The following NOL4 variants were observed in gnomAD, a reference collection of about 807,000 sequenced individuals.
NOL4 encodes nucleolar protein 4.
NOL4 carries 17 observed loss-of-function variants against 75.9 expected under a neutral mutation model. The ratio of observed to expected loss-of-function variants is 0.22; its 90% CI spans 0.15 to 0.34. The LOEUF is 0.34. Among genes scored for constraint, NOL4 ranks in the 10% least tolerant of loss-of-function variants. The pLI is 1.00. For missense variants in NOL4, 614 were observed against 793.5 expected (o/e 0.77, Z 2.72); for synonymous variants, 292 against 289.9 (o/e 1.01, Z -0.07).
chr18:34,009,555 T>C (rs1354519838), intron 6 of NOL4, among the ~76,000 whole-genome samples: 1 of 152,014 alleles, frequency 6.6e-6, no homozygotes, highest in Non-Finnish European at 1.5e-5. Flanking sequence ...TTATTTAATC[T>C]TGATAATTGC....
At chr18:33,902,350 G>C (rs1270171370) in intron 9 of NOL4, among the ~76,000 whole-genome samples, 2 of 151,942 alleles carry the variant, frequency 1.3e-5, no homozygotes, top group Non-Finnish European at 2.9e-5. Flanking sequence ...GTATCTCACT[G>C]CTTTCAGCTT....
At chr18:34,186,275 G>T (rs2034453113) in intron 1 of NOL4, among the ~76,000 whole-genome samples, 1 of 152,022 alleles carries the variant, frequency 6.6e-6, no homozygotes, top group Admixed American at 6.6e-5. Context: ...AAATAAGAAA[G>T]CACAACAAAC....
intron 10 of NOL4, among the ~76,000 whole-genome samples, chr18:33,858,670 A>C (rs1176320264): frequency 3.3e-5 from 5 of 152,122 alleles, no homozygotes; most frequent in Admixed American, 6.6e-5. Context: ...GAATTTTAGT[A>C]GCATCATAAA....
At chr18:33,998,222 T>C (rs1433748811) in intron 6 of NOL4, among the ~76,000 whole-genome samples, 1 of 152,078 alleles carries the variant, frequency 6.6e-6, no homozygotes, top group Non-Finnish European at 1.5e-5. Flanking sequence ...TATCTGCAAG[T>C]ATACTAAGAA....
chr18:33,887,065 A>C (rs1376076530), intron 9 of NOL4, among the ~76,000 whole-genome samples: 9 of 140,330 alleles, frequency 6.4e-5, no homozygotes, highest in African/African-American at 1.0e-4. Context: ...ATATCTATAT[A>C]TAATATATAT....
intron 4 of NOL4, among the ~76,000 whole-genome samples, chr18:34,098,599 T>G (rs2078898569): frequency 6.6e-6 from 1 of 152,166 alleles, no homozygotes; most frequent in African/African-American, 2.4e-5. Context: ...CATTTTTGTA[T>G]TAAGACACTA....
At chr18:34,042,626 GATA>G (rs1224617972) in intron 5 of NOL4, among the ~76,000 whole-genome samples, 1 of 152,048 alleles carries the variant, frequency 6.6e-6, no homozygotes, top group Non-Finnish European at 1.5e-5. Context: ...GTAGATAAGT[GATA>G]ATGAGTGGAT....
intron 1 of NOL4, among the ~76,000 whole-genome samples, chr18:34,194,452 G>GC (rs2035167394): frequency 6.8e-6 from 1 of 147,016 alleles, no homozygotes; most frequent in African/African-American, 2.5e-5. Flanking sequence ...AGGAAGGAAG[G>GC]AAGGAAGGCA....
intron 1 of NOL4, among the ~76,000 whole-genome samples, chr18:34,205,249 C>T (rs1008331893): frequency 4.6e-5 from 7 of 152,050 alleles, no homozygotes; most frequent in African/African-American, 1.7e-4. Context: ...AAGTAATAGA[C>T]AGTTTTCACA....
chr18:33,917,733 G>C (rs1327677276), intron 9 of NOL4, among the ~76,000 whole-genome samples: 4 of 151,994 alleles, frequency 2.6e-5, no homozygotes, highest in Non-Finnish European at 5.9e-5. Context: ...CAAACTCCTA[G>C]GTTTCTGCAA....
At chr18:34,002,750 G>A (rs934117514) in intron 6 of NOL4, among the ~76,000 whole-genome samples, 7 of 151,972 alleles carry the variant, frequency 4.6e-5, no homozygotes, top group African/African-American at 1.7e-4. Flanking sequence ...TGTTAAATAA[G>A]AATTTGCAAT....
intron 6 of NOL4, among the ~76,000 whole-genome samples, chr18:33,998,449 A>G (rs2073449671): frequency 6.6e-6 from 1 of 152,080 alleles, no homozygotes; most frequent in Non-Finnish European, 1.5e-5. Flanking sequence ...GGAATAACAG[A>G]TGAAGGAGAA....
chr18:34,168,883 TAAAC>T (rs1035537765), intron 1 of NOL4, among the ~76,000 whole-genome samples: 4 of 151,496 alleles, frequency 2.6e-5, no homozygotes, highest in Non-Finnish European at 4.4e-5. Context: ...CATTAAAAAA[TAAAC>T]AAGATAGATA....
intron 5 of NOL4, among the ~76,000 whole-genome samples, chr18:34,052,588 A>AGC (rs2076669686): frequency 1.3e-5 from 2 of 152,068 alleles, no homozygotes; most frequent in African/African-American, 4.8e-5. Flanking sequence ...ATTATTTATT[A>AGC]AACAATCATT....
intron 10 of NOL4, among the ~76,000 whole-genome samples, chr18:33,879,652 G>C (rs982806277): frequency 2.0e-5 from 3 of 152,052 alleles, no homozygotes; most frequent in African/African-American, 7.2e-5. Context: ...CTACACTCCA[G>C]CCTGGGCAAC....
intron 8 of NOL4, 100 bp downstream of exon 8, chr18:33,957,226 A>T: frequency 5.9e-6 from 6 of 1,021,986 alleles, no homozygotes; most frequent in Non-Finnish European, 8.4e-6. Flanking sequence ...ACATTATGGA[A>T]AAAAATAAAA....
At chr18:34,138,767 G>C (rs915717241) in intron 1 of NOL4, among the ~76,000 whole-genome samples, 31 of 152,236 alleles carry the variant, frequency 2.0e-4, no homozygotes, top group African/African-American at 6.0e-4. Context: ...TTTTCAAAGG[G>C]AATACTTCCA....
intron 9 of NOL4, among the ~76,000 whole-genome samples, chr18:33,892,871 C>T (rs1206178015): frequency 2.6e-5 from 4 of 151,836 alleles, no homozygotes; most frequent in Non-Finnish European, 4.4e-5. Context: ...CTATGTTGCC[C>T]CGGTTGGTCT....
In NOL4 at chr18:34,042,950, C is replaced by T. The variant is rs141266494; in HGVS notation, c.773-23349G>A. Among the ~76,000 whole-genome samples, 556 of 152,198 alleles carry T rather than the reference C, an allele frequency of 3.7e-3. 4 individuals are homozygous for T. Among genetic ancestry groups the T allele is most frequent in the Non-Finnish European group, 5.6e-3 (379 of 67,970 alleles). ...CAGAACTTAGTCCTGTCATTCACAACCTGTGTGGTTTGGACGTAATCTCTC... is the reference window on the plus strand; with the variant it reads ...CAGAACTTAGTCCTGTCATTCACAATCTGTGTGGTTTGGACGTAATCTCTC... On this transcript the variant is annotated intron_variant, in intron 5 of 10. Coordinates refer to ENST00000261592, the MANE Select transcript of NOL4 (RefSeq NM_003787.5).
Sources: gnomAD v4.1 joint callset for allele counts (sites outside exome capture counted in the v4.1 genomes callset) on GRCh38, gnomAD v4.1.1 for gene constraint, MANE v1.5 for transcripts, NCBI Gene and HGNC (gene_info 2026-07-23, HGNC 2026-07-21) for gene names.